DAB1: variants seen among roughly 807,000 people sequenced by gnomAD.
DAB1 encodes the protein disabled homolog 1.
In DAB1, 15 loss-of-function variants were observed where a neutral mutation model predicts 64.6. The ratio of observed to expected loss-of-function variants is 0.23; its 90% CI spans 0.16 to 0.36. The LOEUF (loss-of-function observed/expected upper bound fraction) is 0.36. Ranked by LOEUF, DAB1 falls within the 10% of genes least tolerant of loss-of-function variation. The pLI is 1.00. For missense variants in DAB1, 596 were observed against 706.7 expected (o/e 0.84, Z 1.78); for synonymous variants, 235 against 251.9 (o/e 0.93, Z 0.64).
At chr1:57,512,175 C>A (rs1051959266) in intron 7 of DAB1, among the ~76,000 whole-genome samples, 2 of 152,192 alleles carry the variant, frequency 1.3e-5, no homozygotes, top group African/African-American at 4.8e-5. Flanking sequence ...CACTCTTTAG[C>A]ACTGAGCTAT....
intron 5 of DAB1, among the ~76,000 whole-genome samples, chr1:57,897,894 C>T (rs1311685506): frequency 1.3e-5 from 2 of 152,124 alleles, no homozygotes; most frequent in Non-Finnish European, 2.9e-5. Context: ...ACTCCAAATC[C>T]AGTTTATCTG....
chr1:57,155,665 C>A (rs7544837), intron 2 of DAB1, among the ~76,000 whole-genome samples: 75,071 of 150,956 alleles, frequency 0.5, 19,651 homozygotes, highest in African/African-American at 0.66. Flanking sequence ...GATTCTTCCA[C>A]CCTATGAACA....
chr1:57,414,356 C>T (rs1355246455), intron 1 of DAB1, among the ~76,000 whole-genome samples: 1 of 152,216 alleles, frequency 6.6e-6, no homozygotes, highest in Non-Finnish European at 1.5e-5. Context: ...TAAAACCCTC[C>T]ACCAGCAAAA....
Position 57,315,745 on chromosome 1 carries a change from G to A in DAB1, c.-136-24579C>T, listed in dbSNP as rs12028379. Among the ~76,000 whole-genome samples, 22 of 152,166 alleles carry A rather than the reference G, an allele frequency of 1.4e-4. No homozygotes were observed. The East Asian group carries it at 3.9e-3, about 27-fold the overall frequency. On this transcript the variant is annotated intron_variant, in intron 1 of 14. Coordinates refer to ENST00000371236, the MANE Select transcript of DAB1 (RefSeq NM_001365792.1). ...TCTCGATCTCCTGACCTCGTGATCC[G>A]CCCGCCTTGGCTTCCCAAAGTGCTG... is the stretch of plus-strand genomic sequence containing the variant.
chr1:58,213,539 G>T (rs565020197), intron 4 of DAB1, among the ~76,000 whole-genome samples: 5 of 152,182 alleles, frequency 3.3e-5, no homozygotes, highest in Admixed American at 2.0e-4. Context: ...AAAACCACCA[G>T]ATCATGTGAG....
intron 6 of DAB1, among the ~76,000 whole-genome samples, chr1:57,746,750 T>C (rs182455676): frequency 6.0e-4 from 91 of 152,342 alleles, no homozygotes; most frequent in African/African-American, 2.0e-3. Context: ...TATTGTATCA[T>C]TTTTATTTCT....
chr1:57,252,572 TA>T (rs1304177445), intron 2 of DAB1, among the ~76,000 whole-genome samples: 1 of 152,234 alleles, frequency 6.6e-6, no homozygotes, highest in African/African-American at 2.4e-5. Context: ...TTGTACCTAC[TA>T]TGTGCCAAAT....
At chr1:57,105,272 G>A (rs983689634) in intron 4 of DAB1, among the ~76,000 whole-genome samples, 1 of 151,808 alleles carries the variant, frequency 6.6e-6, no homozygotes, top group African/African-American at 2.4e-5. Context: ...GGGGTGGGGT[G>A]GTGTGAATTA....
intron 5 of DAB1, among the ~76,000 whole-genome samples, chr1:58,113,823 G>A (rs1162104003): frequency 2.0e-5 from 3 of 152,158 alleles, no homozygotes; most frequent in Non-Finnish European, 2.9e-5. Flanking sequence ...CAGCTCTGGA[G>A]CTCACAAAGC....
intron 4 of DAB1, among the ~76,000 whole-genome samples, chr1:58,261,206 C>T (rs940517666): frequency 6.6e-6 from 1 of 151,794 alleles, no homozygotes; most frequent in Non-Finnish European, 1.5e-5. Context: ...TTCAGTGAAC[C>T]CCAAATAAAT....
At chr1:58,065,473 T>C (rs994219049) in intron 5 of DAB1, among the ~76,000 whole-genome samples, 10 of 152,150 alleles carry the variant, frequency 6.6e-5, no homozygotes, top group African/African-American at 2.2e-4. Flanking sequence ...AAAAGACTTA[T>C]ATTTTAGTAA....
At chr1:57,058,449 A>T (rs2100554677) in intron 9 of DAB1, among the ~76,000 whole-genome samples, 1 of 152,250 alleles carries the variant, frequency 6.6e-6, no homozygotes. Context: ...ATTTATTTTT[A>T]TTCATTCATT....
intron 4 of DAB1, among the ~76,000 whole-genome samples, chr1:58,222,809 T>A (rs898692413): frequency 5.9e-5 from 9 of 152,220 alleles, no homozygotes; most frequent in African/African-American, 2.2e-4. Flanking sequence ...TATTATGTGG[T>A]AGACTTCAGG....
At chr1:57,269,119 G>A (rs573069238) in intron 2 of DAB1, among the ~76,000 whole-genome samples, 3 of 152,236 alleles carry the variant, frequency 2.0e-5, no homozygotes, top group Non-Finnish European at 2.9e-5. Context: ...AGCCACAACC[G>A]GAAGTGGAGA....
intron 4 of DAB1, among the ~76,000 whole-genome samples, chr1:58,167,419 C>T (rs1222996049): frequency 6.6e-6 from 1 of 151,984 alleles, no homozygotes; most frequent in Non-Finnish European, 1.5e-5. Flanking sequence ...ATGCACCAAT[C>T]AGCACTCTGT....
At chr1:57,595,708 G>T (rs1645500970) in intron 7 of DAB1, among the ~76,000 whole-genome samples, 1 of 151,264 alleles carries the variant, frequency 6.6e-6, no homozygotes, top group Non-Finnish European at 1.5e-5. Context: ...TTTGATCCCT[G>T]GTGTGGTTTC....
chr1:57,121,117 GGAA>G (rs1166402416), intron 4 of DAB1, among the ~76,000 whole-genome samples: 5 of 141,604 alleles, frequency 3.5e-5, no homozygotes, highest in African/African-American at 1.1e-4. Flanking sequence ...AAGAAGAAGA[GGAA>G]GAAGAAGAAG....
At chr1:58,162,194 G>A (rs983452217) in intron 4 of DAB1, among the ~76,000 whole-genome samples, 3 of 152,092 alleles carry the variant, frequency 2.0e-5, no homozygotes, top group African/African-American at 7.2e-5. Context: ...GGGAAAAGAG[G>A]ATATTCTTAT....
Position 58,323,694 on chromosome 1 carries a change from G to A in DAB1, n.309+19658C>T, listed in dbSNP as rs117333691. Among the ~76,000 whole-genome samples, 171 of 152,066 alleles carry A rather than the reference G, an allele frequency of 1.1e-3. 3 individuals carry two copies. The East Asian group carries it at 0.024, about 21-fold the overall frequency. On this transcript the variant is annotated intron_variant and non_coding_transcript_variant, in intron 4 of 20. Coordinates refer to the DAB1 transcript ENST00000485760. ...CCGCACTTTGGGAGGCTGAGGTGGC[G>A]GCGGGCAGATCATGAGGTCAGGAGA...
Sources: allele counts gnomAD v4.1 joint callset (sites outside exome capture counted in the v4.1 genomes callset), GRCh38; gene constraint gnomAD v4.1.1; transcripts MANE v1.5; gene names NCBI Gene and HGNC (gene_info 2026-07-23, HGNC 2026-07-21).